Variants in RPS6KA5 observed in about 807,000 individuals in gnomAD.
RPS6KA5 encodes ribosomal protein S6 kinase A5.
RPS6KA5 carries 27 observed loss-of-function variants against 85.5 expected under a neutral mutation model. The ratio of observed to expected loss-of-function variants is 0.32; its 90% CI spans 0.23 to 0.44. The LOEUF (loss-of-function observed/expected upper bound fraction) is 0.44, where lower values mean the gene tolerates loss of function less well. Ranked by LOEUF, RPS6KA5 falls within the 20% of genes least tolerant of loss-of-function variation. The probability of loss-of-function intolerance (pLI) is 1.00; values close to 1 mark genes in which losing one functional copy is unlikely to be tolerated. For missense variants in RPS6KA5, 811 were observed against 980.9 expected, an observed-to-expected ratio of 0.83 and a Z score of 2.31; for synonymous variants, 334 against 348.2, an observed-to-expected ratio of 0.96 and a Z score of 0.46.
intron 1 of RPS6KA5, among the ~76,000 whole-genome samples, chr14:91,009,022 G>A (rs1477684762): frequency 6.6e-6 from 1 of 152,198 alleles, no homozygotes. Flanking sequence ...CCTGTCTTGG[G>A]TGCTGAAACT....
At chr14:91,007,846 A>G (rs1024156983) in intron 1 of RPS6KA5, among the ~76,000 whole-genome samples, 2 of 152,130 alleles carry the variant, frequency 1.3e-5, no homozygotes, top group Non-Finnish European at 2.9e-5. Context: ...TTTTCTTCAT[A>G]AAATTATCCA....
Position 90,853,671 on chromosome 14 carries a change from A to AAAC in RPS6KA5, c.*18402_*18403insGTT, listed in dbSNP as rs113483930. 7.4e-5 allele frequency: 9 copies of AAAC among 121,654 alleles called. No individual in the cohort carries two copies. The highest frequency in any genetic ancestry group is 3.6e-4 in the African/African-American group (7 of 19,518). The allele number at this position is 121,654 out of a possible 1,614,324, so 7.5% of individuals were successfully genotyped here. On this transcript the variant is annotated 3_prime_UTR_variant, in exon 17 of 17. Transcript: ENST00000614987. Reference sequence around the variant, plus strand: ...AAACCCCATCTCTACTAAAAATACAAAAAAAAAAAAAAAAACCCTAAAATT... The same window carrying AAAC: ...AAACCCCATCTCTACTAAAAATACAAAACAAAAAAAAAAAAAAACCCTAAAATT...
At chr14:90,883,876 C>T (rs1162604025) in intron 14 of RPS6KA5, among the ~76,000 whole-genome samples, 2 of 152,168 alleles carry the variant, frequency 1.3e-5, no homozygotes, top group Non-Finnish European at 2.9e-5. Flanking sequence ...AACTTAAGGT[C>T]TTCTCAGGTC....
rs1010597479 is a variant in RPS6KA5, at chr14:90,940,630, T to C, written c.618+2448A>G. On this transcript the variant is annotated intron_variant, in intron 5 of 16. Transcript: ENST00000614987. ...ACCTATAAACAGAGGAATTATTAAG[T>C]GATTCTTTTAATGAGTGTACTACCA... Among the ~76,000 whole-genome samples the C allele has an allele frequency of 7.2e-5, 11 of 152,288 alleles. No homozygotes were observed. In the South Asian group the frequency reaches 1.7e-3, roughly 23 times the overall value.
At chr14:91,007,108 G>T (rs113135144) in intron 1 of RPS6KA5, among the ~76,000 whole-genome samples, 1 of 152,174 alleles carries the variant, frequency 6.6e-6, no homozygotes, top group Non-Finnish European at 1.5e-5. Context: ...ATGACTCTGA[G>T]GGAAAAGAGG....
At chr14:91,005,298 G>A (rs1050042767) in intron 1 of RPS6KA5, among the ~76,000 whole-genome samples, 3 of 152,122 alleles carry the variant, frequency 2.0e-5, no homozygotes, top group African/African-American at 7.2e-5. Flanking sequence ...TTCAACTACT[G>A]CCATCATAAA....
intron 1 of RPS6KA5, among the ~76,000 whole-genome samples, chr14:91,008,202 T>A (rs2041111735): frequency 6.6e-6 from 1 of 152,238 alleles, no homozygotes; most frequent in Non-Finnish European, 1.5e-5. Context: ...TTAGATCCAA[T>A]GATTCACTTA....
Position 91,060,431 on chromosome 14 carries a change from C to A in RPS6KA5, c.4G>T (p.Glu2Ter). Residue 2 changes from glutamate to a stop codon, truncating the protein, a stop_gained, in exon 1 of 17, where the codon GAG becomes TAG. Coordinates refer to ENST00000614987, the MANE Select transcript of RPS6KA5 (RefSeq NM_004755.4). LOFTEE classifies it high-confidence loss of function. ...CCGCCGCTGCTGCCACCCTCCTCCT[C>A]CATCTTCTCCTTTTTTTCCGATCCC... M[E>*]EEGGSSGGAA... The A allele has an allele frequency of 6.8e-7, 1 of 1,480,726 alleles. No homozygotes were observed. Among genetic ancestry groups the A allele is most frequent in the Non-Finnish European group, 9.0e-7 (1 of 1,107,674 alleles). The allele number at this position is 1,480,726 out of a possible 1,614,324, so 91.7% of individuals were successfully genotyped here.
intron 1 of RPS6KA5, among the ~76,000 whole-genome samples, chr14:91,035,922 G>A (rs1322625404): frequency 8.8e-6 from 1 of 113,432 alleles, no homozygotes; most frequent in African/African-American, 3.5e-5. Context: ...ACTCCAAACT[G>A]AATTAGGTAT....
chr14:91,026,640 T>C (rs2042001778), intron 1 of RPS6KA5, among the ~76,000 whole-genome samples: 1 of 152,234 alleles, frequency 6.6e-6, no homozygotes, highest in South Asian at 2.1e-4. Context: ...GTGTCTATTG[T>C]GATATTCATT....
chr14:90,902,995 G>A, intron 8 of RPS6KA5, 26 bp from the exon 9 acceptor site: 1 of 1,591,888 alleles, frequency 6.3e-7, no homozygotes, highest in Non-Finnish European at 8.6e-7. Context: ...TTGGTACAAA[G>A]TAGAAATCAA....
At chr14:90,963,121 GTCTT>G (rs1342005317) in intron 3 of RPS6KA5, among the ~76,000 whole-genome samples, 1 of 152,050 alleles carries the variant, frequency 6.6e-6, no homozygotes, top group East Asian at 1.9e-4. Context: ...GGAATCCATG[GTCTT>G]TCTTTCTTGG....
rs777806922 is a variant in RPS6KA5, at chr14:90,899,397, T to C, written c.1405A>G (p.Ile469Val). The change falls in exon 12 of 17, where the codon ATA becomes GTA. Residue 469 changes from isoleucine (I) to valine (V), a missense_variant. Physicochemically the swap from Ile to Val is conservative, Grantham distance 29. Coordinates refer to ENST00000614987, the MANE Select transcript of RPS6KA5 (RefSeq NM_004755.4). ...CCTTCACAGAGTTTCAGAGCTGTTA[T>C]TTCCTTTTGAGTATTGGCTTCCATC... The part of the protein sequence containing the change: ...KRMEANTQKE[I>V]TALKLCEGHP... 10 of 1,613,582 alleles carry C rather than the reference T, an allele frequency of 6.2e-6. No individual in the cohort carries two copies. Among genetic ancestry groups the C allele is most frequent in the Admixed American group, 1.7e-5 (1 of 59,962 alleles).
chr14:90,880,820 T>A (rs1403000609), intron 14 of RPS6KA5, among the ~76,000 whole-genome samples: 1 of 151,820 alleles, frequency 6.6e-6, no homozygotes, highest in African/African-American at 2.4e-5. Flanking sequence ...ACCCTCTTTG[T>A]CTTTTGTAAA....
intron 7 of RPS6KA5, among the ~76,000 whole-genome samples, chr14:90,910,248 ATAAAAT>A (rs1176010908): frequency 2.6e-5 from 4 of 152,320 alleles, no homozygotes; most frequent in African/African-American, 7.2e-5. Context: ...ACCAAATGAA[ATAAAAT>A]TAAAATACAC....
chr14:90,855,518 ACC>A lies in RPS6KA5; in HGVS notation c.*16554_*16555del, dbSNP rs2032231834. 6.6e-6 allele frequency: 1 copy of A among 152,118 alleles called. No homozygotes were observed. Among genetic ancestry groups the A allele is most frequent in the African/African-American group, 2.4e-5 (1 of 41,372 alleles). 9.4% of individuals were successfully genotyped at this position (152,118 alleles called of 1,614,324 possible). A position where few individuals can be genotyped will look rare whatever the true frequency, so the allele number is the denominator to read the frequency against. ...AATGGCGTGATCTCGGCTCACTGCA[ACC>A]TCTGCTTCCTGGGTTCAAGAGAGTA... On this transcript the variant is annotated 3_prime_UTR_variant, in exon 17 of 17. Transcript: ENST00000614987.
At chr14:90,953,609 T>C (rs1595319257) in intron 3 of RPS6KA5, among the ~76,000 whole-genome samples, 1 of 152,172 alleles carries the variant, frequency 6.6e-6, no homozygotes, top group South Asian at 2.1e-4. Context: ...GTAGGGACAA[T>C]ATCGCTAAAT....
chr14:90,961,477 G>T (rs2038792262), intron 3 of RPS6KA5, among the ~76,000 whole-genome samples: 2 of 152,064 alleles, frequency 1.3e-5, no homozygotes, highest in Admixed American at 6.5e-5. Flanking sequence ...GATAATTTTT[G>T]TCAGAAATAT....
intron 3 of RPS6KA5, among the ~76,000 whole-genome samples, chr14:90,966,381 C>T (rs1181550059): frequency 6.6e-6 from 1 of 152,162 alleles, no homozygotes; most frequent in Non-Finnish European, 1.5e-5. Flanking sequence ...TAAAGCATTT[C>T]AGGAGTTTAT....
Sources: gnomAD v4.1 joint callset for allele counts (sites outside exome capture counted in the v4.1 genomes callset) on GRCh38, gnomAD v4.1.1 for gene constraint, MANE v1.5 for transcripts, NCBI Gene and HGNC (gene_info 2026-07-23, HGNC 2026-07-21) for gene names.